The following NOX4 variants were observed in gnomAD, a reference collection of about 807,000 sequenced individuals.
The protein encoded by NOX4 is NADPH oxidase 4.
NOX4 carries 69 observed loss-of-function variants against 87.6 expected under a neutral mutation model. The observed-to-expected ratio is 0.79, with a 90% confidence interval of 0.65 to 0.96. NOX4 has a LOEUF of 0.96. NOX4 is among the 40% of genes least tolerant of loss of function. NOX4 has a pLI of 0.00. For synonymous variants in NOX4, 275 were observed against 238.2 expected (o/e 1.15, Z -1.42); for missense variants, 680 against 681.5 (o/e 1.00, Z 0.02).
chr11:89,391,781 G>C (rs1349715996), intron 11 of NOX4, among the ~76,000 whole-genome samples: 1 of 149,808 alleles, frequency 6.7e-6, no homozygotes, highest in Non-Finnish European at 1.5e-5. Context: ...AAATTAATGA[G>C]ATTATATATT....
chr11:89,509,715 A>G, the NOX4 span, among the ~76,000 whole-genome samples: 4 of 152,046 alleles, frequency 2.6e-5, no homozygotes, highest in African/African-American at 4.8e-5. Context: ...AAGAACCACA[A>G]GGGCAGAAAG....
At chr11:89,389,566 G>A (rs1320327260) in intron 11 of NOX4, among the ~76,000 whole-genome samples, 1 of 152,164 alleles carries the variant, frequency 6.6e-6, no homozygotes, top group Non-Finnish European at 1.5e-5. Context: ...TATTAGAAGA[G>A]CTTAGTAGTA....
Position 89,475,262 on chromosome 11 carries a change from T to A in NOX4, c.153+15196A>T, listed in dbSNP as rs1333357845. On this transcript the variant is annotated intron_variant, in intron 2 of 17. Coordinates refer to ENST00000263317, the MANE Select transcript of NOX4 (RefSeq NM_016931.5). ...GAGTGATGATATATATAACATTTTT[T>A]AATTTTCCCCTATTTTCTATAATAA... 3.9e-5 allele frequency among the ~76,000 whole-genome samples: 6 copies of A among 152,140 alleles called. No homozygotes were observed. In the South Asian group the frequency reaches 6.2e-4, roughly 16 times the overall value.
At chr11:89,404,982 C>T (rs11018604) in intron 8 of NOX4, among the ~76,000 whole-genome samples, 11,171 of 151,852 alleles carry the variant, frequency 0.074, 648 homozygotes, top group South Asian at 0.19. Flanking sequence ...GTTCAGAAAC[C>T]TACCTAGCTC....
In NOX4 at chr11:89,340,057, T is replaced by A; in HGVS notation, c.1446+6A>T. ...ATTGCAAAACTAGAACCAACCCTAA[T>A]GTTACCTTGTTATGCAACATACAGA... On this transcript the variant is annotated splice_donor_region_variant and intron_variant, in intron 15 of 17. Transcript: ENST00000263317. The A allele has an allele frequency of 6.7e-7, 1 of 1,494,028 alleles. No individual in the cohort carries two copies. Among genetic ancestry groups the A allele is most frequent in the South Asian group, 1.3e-5 (1 of 78,092 alleles). The allele number at this position is 1,494,028 out of a possible 1,614,324, so 92.5% of individuals were successfully genotyped here.
At chr11:89,506,788 T>C in the NOX4 span, among the ~76,000 whole-genome samples, 2 of 151,722 alleles carry the variant, frequency 1.3e-5, no homozygotes, top group African/African-American at 2.4e-5. Context: ...AAAGAAGATA[T>C]ATGGATTGCA....
the NOX4 span, among the ~76,000 whole-genome samples, chr11:89,526,909 G>C: frequency 6.6e-6 from 1 of 152,168 alleles, no homozygotes; most frequent in Non-Finnish European, 1.5e-5. Context: ...GTGTGTAACA[G>C]GCAGAGGTTG....
At chr11:89,458,832 G>A (rs1945324283) in intron 2 of NOX4, among the ~76,000 whole-genome samples, 1 of 152,088 alleles carries the variant, frequency 6.6e-6, no homozygotes, top group Non-Finnish European at 1.5e-5. Flanking sequence ...GCAGAGAAAA[G>A]GGAACACTTA....
intron 2 of NOX4, among the ~76,000 whole-genome samples, chr11:89,464,047 T>C (rs114581351): frequency 4.4e-4 from 67 of 152,186 alleles, no homozygotes; most frequent in African/African-American, 1.6e-3. Flanking sequence ...ATCTATAACA[T>C]AAATTCAGGA....
At chr11:89,489,727 C>CAAA (rs35606793) in intron 2 of NOX4, among the ~76,000 whole-genome samples, 30 of 118,474 alleles carry the variant, frequency 2.5e-4, no homozygotes, top group Non-Finnish European at 3.7e-4. Flanking sequence ...GACTCTGTCT[C>CAAA]AAAAAAAAAA....
chr11:89,352,604 G>T (rs770283170), intron 13 of NOX4, among the ~76,000 whole-genome samples: 7 of 152,146 alleles, frequency 4.6e-5, no homozygotes, highest in Admixed American at 2.0e-4. Context: ...TGGAAGAAGT[G>T]ATTTGAGCCC....
chr11:89,562,333 CT>C, the NOX4 span, among the ~76,000 whole-genome samples: 1 of 152,118 alleles, frequency 6.6e-6, no homozygotes, highest in Non-Finnish European at 1.5e-5. Context: ...AAACTATCGT[CT>C]GCCTAAATTC....
chr11:89,570,739 T>C, the NOX4 span, among the ~76,000 whole-genome samples: 8 of 152,072 alleles, frequency 5.3e-5, no homozygotes, highest in African/African-American at 1.9e-4. Context: ...AAGTGGAGGA[T>C]CACTGGAGCC....
At chr11:89,463,987 T>C (rs1303743099) in intron 2 of NOX4, among the ~76,000 whole-genome samples, 2 of 152,058 alleles carry the variant, frequency 1.3e-5, no homozygotes, top group African/African-American at 4.8e-5. Flanking sequence ...GACAATTGTA[T>C]TTGTAGTTTT....
intron 2 of NOX4, among the ~76,000 whole-genome samples, chr11:89,463,907 T>C (rs891390452): frequency 2.0e-5 from 3 of 151,968 alleles, no homozygotes; most frequent in East Asian, 3.9e-4. Context: ...TCCAGAGAAA[T>C]AGAATAATTA....
chr11:89,532,157 G>A, the NOX4 span, among the ~76,000 whole-genome samples: 1 of 152,228 alleles, frequency 6.6e-6, no homozygotes, highest in Non-Finnish European at 1.5e-5. Context: ...GCACTGCCTA[G>A]TGGAGCTGTG....
At chr11:89,423,268 T>TTTTGTAAATTTTGTAATTTGTAAA (rs1943185172) in intron 7 of NOX4, among the ~76,000 whole-genome samples, 1 of 152,150 alleles carries the variant, frequency 6.6e-6, no homozygotes, top group African/African-American at 2.4e-5. Context: ...TCAGACTAAA[T>TTTTGTAAATTTTGTAATTTGTAAA]TTTGTAAATT....
At chr11:89,473,565 G>C (rs770348170) in intron 2 of NOX4, among the ~76,000 whole-genome samples, 3 of 151,836 alleles carry the variant, frequency 2.0e-5, no homozygotes, top group Non-Finnish European at 4.4e-5. Context: ...AACTCATATA[G>C]TGAATATAGG....
At chr11:89,369,682 T>C (rs1939289723) in intron 12 of NOX4, among the ~76,000 whole-genome samples, 1 of 152,106 alleles carries the variant, frequency 6.6e-6, no homozygotes, top group South Asian at 2.1e-4. Context: ...GTTTACATTG[T>C]ATGAATATGA....
Sources: allele counts gnomAD v4.1 joint callset (sites outside exome capture counted in the v4.1 genomes callset), GRCh38; gene constraint gnomAD v4.1.1; transcripts MANE v1.5; gene names NCBI Gene and HGNC (gene_info 2026-07-23, HGNC 2026-07-21).